GRIK4: variants seen among roughly 807,000 people sequenced by gnomAD.
GRIK4 encodes the protein glutamate receptor ionotropic, kainate 4.
GRIK4 carries 40 observed loss-of-function variants against 104.9 expected under a neutral mutation model. That is an observed-to-expected ratio of 0.38 (90% CI 0.30 to 0.50). The LOEUF (loss-of-function observed/expected upper bound fraction) is 0.50, where lower values mean the gene tolerates loss of function less well. Ranked by LOEUF, GRIK4 falls within the 20% of genes least tolerant of loss-of-function variation. The pLI, the probability that GRIK4 is intolerant of heterozygous loss-of-function variation, is 0.93. For synonymous variants in GRIK4, 485 were observed against 524.9 expected (o/e 0.92, Z 1.04); for missense variants, 1,047 against 1,308.1 (o/e 0.80, Z 3.08).
chr11:120,978,719 C>G (rs1247969375), intron 19 of GRIK4, among the ~76,000 whole-genome samples: 1 of 151,902 alleles, frequency 6.6e-6, no homozygotes, highest in East Asian at 1.9e-4. Context: ...ATTTAGGAGG[C>G]AAAATCAGCA....
chr11:120,795,317 C>T (rs1952488410), intron 3 of GRIK4, among the ~76,000 whole-genome samples: 1 of 152,132 alleles, frequency 6.6e-6, no homozygotes, highest in Non-Finnish European at 1.5e-5. Context: ...AGAGCCAGCC[C>T]CAGTCCAGTT....
At chr11:120,933,609 C>T (rs1415970545) in intron 13 of GRIK4, among the ~76,000 whole-genome samples, 3 of 152,160 alleles carry the variant, frequency 2.0e-5, no homozygotes, top group African/African-American at 7.2e-5. Context: ...AGTTCAGTTA[C>T]CCCCTCTACT....
chr11:120,605,651 A>C (rs1266594561), intron 1 of GRIK4, among the ~76,000 whole-genome samples: 3 of 152,182 alleles, frequency 2.0e-5, no homozygotes, highest in Non-Finnish European at 2.9e-5. Context: ...GAGGATATTG[A>C]AGTGAGGGAG....
chr11:120,760,355 C>G (rs917739606), intron 3 of GRIK4, among the ~76,000 whole-genome samples: 1 of 147,708 alleles, frequency 6.8e-6, no homozygotes, highest in Admixed American at 6.8e-5. Flanking sequence ...TATATACACA[C>G]AATGGAATAT....
intron 1 of GRIK4, among the ~76,000 whole-genome samples, chr11:120,629,034 C>T (rs1338965203): frequency 2.0e-5 from 3 of 152,110 alleles, no homozygotes; most frequent in Non-Finnish European, 4.4e-5. Context: ...GAAGGAGGCA[C>T]GCGGCCGCTG....
chr11:120,820,113 GTGTT>G (rs1953072927), intron 6 of GRIK4, among the ~76,000 whole-genome samples, 193 bp downstream of exon 6: 3 of 140,234 alleles, frequency 2.1e-5, no homozygotes, highest in South Asian at 2.3e-4. Flanking sequence ...GTGTGTGTGT[GTGTT>G]TAAGAGAGAA....
At chr11:120,586,851 C>T (rs1488449674) in intron 1 of GRIK4, among the ~76,000 whole-genome samples, 1 of 152,180 alleles carries the variant, frequency 6.6e-6, no homozygotes, top group Admixed American at 6.5e-5. Flanking sequence ...GGATCAGGCC[C>T]TGCAGTCGCG....
chr11:120,904,357 A>C (rs977800300), intron 12 of GRIK4, among the ~76,000 whole-genome samples: 4 of 152,080 alleles, frequency 2.6e-5, no homozygotes, highest in African/African-American at 9.7e-5. Flanking sequence ...GGCTCTGAGG[A>C]CCCACACCCA....
intron 3 of GRIK4, among the ~76,000 whole-genome samples, chr11:120,724,332 G>A (rs958041871): frequency 1.3e-5 from 2 of 152,078 alleles, no homozygotes; most frequent in Admixed American, 6.5e-5. Flanking sequence ...TTTAATACTG[G>A]ATAGTATTCC....
intron 5 of GRIK4, among the ~76,000 whole-genome samples, chr11:120,816,946 C>T (rs1220216388): frequency 6.6e-6 from 1 of 152,134 alleles, no homozygotes; most frequent in Admixed American, 6.5e-5. Context: ...TAGGTCCCTC[C>T]CAGCCTCTCC....
chr11:120,932,835 A>C (rs1293166706), intron 13 of GRIK4, among the ~76,000 whole-genome samples: 1 of 152,220 alleles, frequency 6.6e-6, no homozygotes, highest in Non-Finnish European at 1.5e-5. Context: ...TAGAGGGGGC[A>C]GGGGCAGCTG....
intron 3 of GRIK4, among the ~76,000 whole-genome samples, chr11:120,756,432 G>A (rs1945009): frequency 0.09 from 13,760 of 152,126 alleles, 1,324 homozygotes; most frequent in African/African-American, 0.25. Context: ...CTGCCCTACA[G>A]GGAAGGAAAC....
chr11:120,785,221 C>T (rs1207079326), intron 3 of GRIK4, among the ~76,000 whole-genome samples: 4 of 152,334 alleles, frequency 2.6e-5, no homozygotes, highest in Non-Finnish European at 4.4e-5. Context: ...CTGGATATCC[C>T]GGGCACTGAA....
rs142368756 is a variant in GRIK4, at chr11:120,954,560, A to C, written c.1700+1596A>C. On this transcript the variant is annotated intron_variant, in intron 15 of 20. Coordinates refer to ENST00000527524, the MANE Select transcript of GRIK4 (RefSeq NM_014619.5). ...TGTGGCATGCCACAACACTCAGGTC[A>C]CCTCAAGGGCCCTGAAAAGTCTTGG... 7.8e-4 allele frequency among the ~76,000 whole-genome samples: 119 copies of C among 152,058 alleles called. 1 individual carries two copies. Among genetic ancestry groups the C allele is most frequent in the African/African-American group, 2.8e-3 (115 of 41,472 alleles).
intron 3 of GRIK4, among the ~76,000 whole-genome samples, chr11:120,725,422 G>C (rs1317422351): frequency 6.6e-6 from 1 of 152,186 alleles, no homozygotes; most frequent in Non-Finnish European, 1.5e-5. Flanking sequence ...TGTTGCCAAG[G>C]AAGAAGGCTT....
chr11:120,800,826 G>A (rs1012047450), intron 3 of GRIK4, among the ~76,000 whole-genome samples: 3 of 152,176 alleles, frequency 2.0e-5, no homozygotes, highest in African/African-American at 7.2e-5. Context: ...CTGCGTCCGC[G>A]CAGACATTCA....
intron 1 of GRIK4, among the ~76,000 whole-genome samples, chr11:120,616,518 G>T (rs1949116666): frequency 6.6e-6 from 1 of 152,196 alleles, no homozygotes; most frequent in African/African-American, 2.4e-5. Flanking sequence ...TTGACCCTAG[G>T]CTATTCAGCC....
intron 8 of GRIK4, among the ~76,000 whole-genome samples, chr11:120,848,634 G>A (rs367607623): frequency 6.6e-6 from 1 of 152,174 alleles, no homozygotes; most frequent in African/African-American, 2.4e-5. Flanking sequence ...AGCAAGAGTT[G>A]GTCTCAGCTG....
At chr11:120,897,803 T>G (rs1942628407) in intron 11 of GRIK4, among the ~76,000 whole-genome samples, 4 of 151,916 alleles carry the variant, frequency 2.6e-5, no homozygotes, top group Admixed American at 2.6e-4. Flanking sequence ...TTATCCCCAT[T>G]TTTTAGATGA....
Sources: allele counts gnomAD v4.1 joint callset (sites outside exome capture counted in the v4.1 genomes callset), GRCh38; gene constraint gnomAD v4.1.1; transcripts MANE v1.5; gene names NCBI Gene and HGNC (gene_info 2026-07-23, HGNC 2026-07-21).